GPHN: variants seen among roughly 807,000 people sequenced by gnomAD.
GPHN encodes gephyrin.
In GPHN, 17 loss-of-function variants were observed where a neutral mutation model predicts 95.5. The observed-to-expected ratio is 0.18, with a 90% CI of 0.12 to 0.27. The LOEUF (loss-of-function observed/expected upper bound fraction) is 0.27. GPHN is among the 10% of genes least tolerant of loss of function. The pLI is 1.00. For missense variants in GPHN, 660 were observed against 978.1 expected, an observed-to-expected ratio of 0.67 and a Z score of 4.34; for synonymous variants, 320 against 322.5, an observed-to-expected ratio of 0.99 and a Z score of 0.08.
At chr14:66,681,010 A>G (rs2066904766) in intron 1 of GPHN, 97 bp from the exon 2 acceptor site, 1 of 711,140 alleles carries the variant, frequency 1.4e-6, no homozygotes, top group African/African-American at 1.9e-5. Context: ...AAAAAAAAAA[A>G]GCTATTTTTC....
chr14:66,774,050 T>TTGGAGTG (rs1426375921), intron 2 of GPHN, among the ~76,000 whole-genome samples: 2 of 139,828 alleles, frequency 1.4e-5, no homozygotes, highest in East Asian at 4.5e-4. Flanking sequence ...GTCGCCCAGG[T>TTGGAGTG]TGGAGTGCAG....
chr14:66,818,118 G>T (rs1340772812), intron 3 of GPHN, among the ~76,000 whole-genome samples: 1 of 152,012 alleles, frequency 6.6e-6, no homozygotes, highest in Non-Finnish European at 1.5e-5. Context: ...ACTTTAAATT[G>T]AAGTTTAGGG....
Position 66,591,828 on chromosome 14 carries a change from A to G in GPHN, c.64+83237A>G, listed in dbSNP as rs997056074. On this transcript the variant is annotated intron_variant, in intron 1 of 22. Transcript: ENST00000478722. ...TACTTTAAATTTCATATGGAACCAG[A>G]AAAGAGGCTATATAGCCAAGACAAT... is the stretch of plus-strand genomic sequence containing the variant. 1.3e-4 allele frequency among the ~76,000 whole-genome samples: 20 copies of G among 152,366 alleles called. No homozygotes were observed. The South Asian group carries it at 3.5e-3, about 27-fold the overall frequency.
chr14:67,543,165 G>C, the GPHN span, among the ~76,000 whole-genome samples: 2 of 152,140 alleles, frequency 1.3e-5, no homozygotes, highest in Non-Finnish European at 2.9e-5. Flanking sequence ...TCTTTCATAA[G>C]TACAAAGGGA....
chr14:67,325,169 T>G, the GPHN span, among the ~76,000 whole-genome samples: 1 of 152,146 alleles, frequency 6.6e-6, no homozygotes, highest in Non-Finnish European at 1.5e-5. Context: ...CCTCCCAAAG[T>G]GCTGGGATTA....
chr14:67,630,128 AGTT>A, the GPHN span, among the ~76,000 whole-genome samples: 1 of 152,066 alleles, frequency 6.6e-6, no homozygotes, highest in African/African-American at 2.4e-5. Flanking sequence ...CCCCCACATC[AGTT>A]GTATTGACAA....
intron 1 of GPHN, among the ~76,000 whole-genome samples, chr14:66,666,867 G>T: frequency 6.6e-6 from 1 of 152,172 alleles, no homozygotes; most frequent in East Asian, 1.9e-4. Context: ...CAGATGACAT[G>T]ATTCTGTATC....
At chr14:66,738,818 C>T (rs1231396294) in intron 2 of GPHN, among the ~76,000 whole-genome samples, 5 of 152,046 alleles carry the variant, frequency 3.3e-5, no homozygotes, top group Non-Finnish European at 7.4e-5. Context: ...CCTTAGCTAA[C>T]CCAGAAAGTT....
intron 2 of GPHN, among the ~76,000 whole-genome samples, chr14:66,724,672 A>G (rs981679053): frequency 6.6e-6 from 1 of 152,210 alleles, no homozygotes; most frequent in African/African-American, 2.4e-5. Context: ...AATCTGCTTC[A>G]GAGGAATGCC....
chr14:67,642,373 G>A, the GPHN span: 16 of 1,613,102 alleles, frequency 9.9e-6, no homozygotes, highest in African/African-American at 1.9e-4. Flanking sequence ...GGTAAGCTGG[G>A]AGCCAGGCGT....
the GPHN span, chr14:67,383,840 A>G: frequency 1.6e-5 from 4 of 243,164 alleles, no homozygotes; most frequent in Non-Finnish European, 2.5e-5. Flanking sequence ...CAAACATCAA[A>G]TAAATTTCTG....
At chr14:66,958,668 A>C (rs1463453380) in intron 8 of GPHN, among the ~76,000 whole-genome samples, 1 of 152,170 alleles carries the variant, frequency 6.6e-6, no homozygotes, top group South Asian at 2.1e-4. Flanking sequence ...TAAACATAGA[A>C]AAGGTACCAG....
chr14:67,674,530 G>A, the GPHN span: 8 of 1,526,156 alleles, frequency 5.2e-6, no homozygotes, highest in East Asian at 2.4e-5. Flanking sequence ...GAGATTCGGG[G>A]CCCTGGGCCC....
chr14:67,158,443 C>T (rs554954056), intron 18 of GPHN, among the ~76,000 whole-genome samples: 84 of 152,092 alleles, frequency 5.5e-4, no homozygotes, highest in African/African-American at 1.8e-3. Context: ...GAGGGTGGCA[C>T]TATTGGCAAG....
intron 3 of GPHN, among the ~76,000 whole-genome samples, chr14:66,776,966 C>T (rs1244043420): frequency 4.0e-5 from 6 of 151,854 alleles, no homozygotes; most frequent in Non-Finnish European, 8.8e-5. Flanking sequence ...ATACATGTGA[C>T]ATGCTGGTGC....
At chr14:67,327,172 A>G in the GPHN span, among the ~76,000 whole-genome samples, 3,417 of 152,110 alleles carry the variant, frequency 0.022, 129 homozygotes, top group African/African-American at 0.078. Flanking sequence ...AAGACTCTCA[A>G]AAAAAAAGAA....
the GPHN span, among the ~76,000 whole-genome samples, chr14:67,337,008 T>C: frequency 1.3e-5 from 2 of 152,240 alleles, no homozygotes; most frequent in African/African-American, 4.8e-5. Flanking sequence ...GATTTGCTAC[T>C]TTCTAGCTTT....
the GPHN span, among the ~76,000 whole-genome samples, chr14:67,536,063 G>C: frequency 3.9e-5 from 6 of 152,176 alleles, no homozygotes; most frequent in African/African-American, 1.4e-4. Context: ...TGGGATCTTA[G>C]GTACTAAGCT....
chr14:67,112,761 T>C (rs959961470), intron 15 of GPHN, among the ~76,000 whole-genome samples: 3 of 152,244 alleles, frequency 2.0e-5, no homozygotes, highest in Non-Finnish European at 4.4e-5. Context: ...AAAAAAAATT[T>C]CAAATATGAA....
Sources: gnomAD v4.1 joint callset for allele counts (sites outside exome capture counted in the v4.1 genomes callset) on GRCh38, gnomAD v4.1.1 for gene constraint, MANE v1.5 for transcripts, NCBI Gene and HGNC (gene_info 2026-07-23, HGNC 2026-07-21) for gene names.